LRRC2: variants seen among roughly 807,000 people sequenced by gnomAD.
The protein encoded by LRRC2 is leucine-rich repeat-containing protein 2.
A neutral mutation model predicts 40.2 loss-of-function variants in LRRC2; 27 were observed. The observed-to-expected ratio is 0.67, with a 90% CI of 0.49 to 0.93. The LOEUF (loss-of-function observed/expected upper bound fraction) is 0.93, where lower values mean the gene tolerates loss of function less well. Among genes scored for constraint, LRRC2 ranks in the 40% least tolerant of loss-of-function variants. The probability of loss-of-function intolerance (pLI) is 0.00; values close to 1 mark genes in which losing one functional copy is unlikely to be tolerated. For missense variants in LRRC2, 402 were observed against 439.6 expected (o/e 0.91, Z 0.76); for synonymous variants, 147 against 158.9 (o/e 0.92, Z 0.56).
chr3:46,519,234 AGT>A (rs1475446698), intron 8 of LRRC2, among the ~76,000 whole-genome samples, 171 bp from the exon 9 acceptor site: 7 of 61,704 alleles, frequency 1.1e-4, no homozygotes, highest in Non-Finnish European at 3.2e-4. Context: ...GTCACCATTA[AGT>A]AAGTCATCAC....
At chr3:46,553,999 A>G (rs1704728016) in intron 1 of LRRC2, among the ~76,000 whole-genome samples, 1 of 149,456 alleles carries the variant, frequency 6.7e-6, no homozygotes, top group Non-Finnish European at 1.5e-5. Flanking sequence ...TTGTTGTTTC[A>G]TTGGTTGTTG....
chr3:46,529,753 AT>A (rs1704125914), intron 6 of LRRC2, 151 bp downstream of exon 6: 2 of 793,934 alleles, frequency 2.5e-6, no homozygotes, highest in African/African-American at 3.5e-5. Context: ...TTATTCTATA[AT>A]TTCCTCGGAA....
chr3:46,562,892 AT>A (rs1407733305), intron 1 of LRRC2, among the ~76,000 whole-genome samples: 2 of 151,946 alleles, frequency 1.3e-5, no homozygotes, highest in Non-Finnish European at 2.9e-5. Flanking sequence ...TATCCGGCTA[AT>A]TTTTGTATTT....
At chr3:46,564,196 G>A (rs1705010449) in intron 1 of LRRC2, among the ~76,000 whole-genome samples, 1 of 151,940 alleles carries the variant, frequency 6.6e-6, no homozygotes, top group Non-Finnish European at 1.5e-5. Flanking sequence ...GGAGGGGTTG[G>A]GAGAGTCCTG....
chr3:46,527,338 C>T lies in LRRC2; in HGVS notation c.929+88G>A, dbSNP rs1423668299. On this transcript the variant is annotated intron_variant, in intron 7 of 8. Transcript: ENST00000395905. ...CTCAGAGTACGAGAGCCATCTAATCCGGGTCTTGAGACAGCTGCCCAGGCT... is the reference window on the plus strand; with the variant it reads ...CTCAGAGTACGAGAGCCATCTAATCTGGGTCTTGAGACAGCTGCCCAGGCT... 1.0e-5 allele frequency: 14 copies of T among 1,372,374 alleles called. No individual in the cohort carries two copies. The East Asian group carries it at 1.8e-4, about 18-fold the overall frequency. The allele number at this position is 1,372,374 out of a possible 1,614,324, so 85.0% of individuals were successfully genotyped here. A position where few individuals can be genotyped will look rare whatever the true frequency, so the allele number is the denominator to read the frequency against.
intron 5 of LRRC2, among the ~76,000 whole-genome samples, chr3:46,530,941 T>C (rs1483351490): frequency 6.6e-6 from 1 of 152,148 alleles, no homozygotes; most frequent in Non-Finnish European, 1.5e-5. Context: ...ACTATATTAA[T>C]ATCAGACAAA....
At chr3:46,522,706 G>A (rs1703985616) in intron 7 of LRRC2, among the ~76,000 whole-genome samples, 3 of 151,462 alleles carry the variant, frequency 2.0e-5, no homozygotes, top group Admixed American at 1.3e-4. Context: ...GAATGAGAGA[G>A]ATCCCATCTC....
chr3:46,557,999 G>GC (rs1704848872), intron 1 of LRRC2: 1 of 152,262 alleles, frequency 6.6e-6, no homozygotes, highest in Non-Finnish European at 1.5e-5. Flanking sequence ...ACAGGCAGGA[G>GC]TTCTTCAGAG....
chr3:46,521,753 TG>T, intron 7 of LRRC2, 95 bp from the exon 8 acceptor site: 1 of 1,267,810 alleles, frequency 7.9e-7, no homozygotes, highest in South Asian at 1.5e-5. Flanking sequence ...TCCCAAGTTC[TG>T]GCTTACCTTT....
intron 2 of LRRC2, among the ~76,000 whole-genome samples, chr3:46,549,603 G>T (rs1704599273): frequency 6.6e-6 from 1 of 152,186 alleles, no homozygotes. Context: ...CTGAGCCCAA[G>T]TCAAGCTCAA....
chr3:46,547,716 G>A (rs1704560093), intron 2 of LRRC2, among the ~76,000 whole-genome samples: 1 of 151,788 alleles, frequency 6.6e-6, no homozygotes, highest in Admixed American at 6.6e-5. Flanking sequence ...ATGTGTGTGT[G>A]TGTGTGTGTG....
intron 6 of LRRC2, 76 bp downstream of exon 6, chr3:46,529,829 C>T: frequency 6.9e-7 from 1 of 1,456,726 alleles, no homozygotes; most frequent in Non-Finnish European, 9.5e-7. Flanking sequence ...ATGTACTATA[C>T]ATGTTTCAAA....
At chr3:46,525,199 G>A (rs1275097783) in intron 7 of LRRC2, among the ~76,000 whole-genome samples, 2 of 146,784 alleles carry the variant, frequency 1.4e-5, no homozygotes, top group African/African-American at 2.5e-5. Flanking sequence ...AGCGACCCTT[G>A]CACCTCAGCC....
At position 46,518,691 on chromosome 3, in the gene LRRC2, C is replaced by T. The variant is rs1703911079; in HGVS notation, c.*323G>A. On this transcript the variant is annotated 3_prime_UTR_variant, in exon 9 of 9. Transcript: ENST00000395905. ...TATCTTTTGATTCCTGAAAACAATG[C>T]ACTTAACTTCAGTATTTGGTCTTTT... The T allele has an allele frequency of 4.9e-6, 1 of 205,378 alleles. No homozygotes were observed. Among genetic ancestry groups the T allele is most frequent in the Non-Finnish European group, 9.6e-6 (1 of 103,930 alleles). 12.7% of individuals were successfully genotyped at this position (205,378 alleles called of 1,614,324 possible). A position where few individuals can be genotyped will look rare whatever the true frequency, so the allele number is the denominator to read the frequency against.
At chr3:46,527,643 T>C (rs1704083858) in intron 6 of LRRC2, 62 bp from the exon 7 acceptor site, 1 of 1,390,578 alleles carries the variant, frequency 7.2e-7, no homozygotes, top group Non-Finnish European at 1.0e-6. Flanking sequence ...AAAACCAACA[T>C]GAATTACAAA....
At chr3:46,561,542 CAAAAAG>C (rs1029489983) in intron 1 of LRRC2, among the ~76,000 whole-genome samples, 3 of 146,604 alleles carry the variant, frequency 2.0e-5, no homozygotes, top group African/African-American at 7.6e-5. Context: ...CTCAAAAAAA[CAAAAAG>C]AGAGGGGAGA....
At chr3:46,547,914 C>T (rs1226954941) in intron 2 of LRRC2, among the ~76,000 whole-genome samples, 1 of 152,088 alleles carries the variant, frequency 6.6e-6, no homozygotes. Flanking sequence ...AGATTTAGAT[C>T]TTACTGTAGC....
chr3:46,560,520 A>G (rs1039656227), intron 1 of LRRC2, among the ~76,000 whole-genome samples: 1 of 152,254 alleles, frequency 6.6e-6, no homozygotes, highest in Non-Finnish European at 1.5e-5. Flanking sequence ...TACGGGATCC[A>G]GTCAAGAGAC....
At chr3:46,561,544 AAAAG>A (rs66524252) in intron 1 of LRRC2, among the ~76,000 whole-genome samples, 22,312 of 151,924 alleles carry the variant, frequency 0.15, 1,704 homozygotes, top group Middle Eastern at 0.18. Context: ...CAAAAAAACA[AAAAG>A]AGAGGGGAGA....
Sources: gnomAD v4.1 joint callset for allele counts (sites outside exome capture counted in the v4.1 genomes callset) on GRCh38, gnomAD v4.1.1 for gene constraint, MANE v1.5 for transcripts, NCBI Gene and HGNC (gene_info 2026-07-23, HGNC 2026-07-21) for gene names.